SLC5A4: variants seen among roughly 807,000 people sequenced by gnomAD.
SLC5A4 encodes probable glucose sensor protein SLC5A4.
Under a neutral mutation model 70.3 loss-of-function variants are expected in SLC5A4, and 55 were observed. That is an observed-to-expected ratio of 0.78 (90% CI 0.63 to 0.98). SLC5A4 has a LOEUF of 0.98. SLC5A4 is among the 50% of genes least tolerant of loss of function. The pLI is 0.00. For synonymous variants in SLC5A4, 268 were observed against 305.7 expected, an observed-to-expected ratio of 0.88 and a Z score of 1.29; for missense variants, 735 against 839.2, an observed-to-expected ratio of 0.88 and a Z score of 1.53.
At chr22:32,323,733 A>G in the SLC5A4 span, among the ~76,000 whole-genome samples, 2 of 152,196 alleles carry the variant, frequency 1.3e-5, no homozygotes, top group Non-Finnish European at 2.9e-5. Context: ...ACTCCTTTAC[A>G]GGCCATTCCC....
At chr22:32,283,337 A>G in the SLC5A4 span, among the ~76,000 whole-genome samples, 9 of 152,182 alleles carry the variant, frequency 5.9e-5, no homozygotes, top group African/African-American at 1.9e-4. Flanking sequence ...TACCTTCTCC[A>G]TGCAACCCCT....
intron 13 of SLC5A4, among the ~76,000 whole-genome samples, chr22:32,222,951 G>A (rs760052243): frequency 1.3e-5 from 2 of 152,132 alleles, no homozygotes; most frequent in African/African-American, 2.4e-5. Context: ...GATGCCTCTT[G>A]TTGAAAATCT....
At position 32,229,351 on chromosome 22, in the gene SLC5A4, C is replaced by A; in HGVS notation, c.1130-7G>T. On this transcript the variant is annotated splice_region_variant and splice_polypyrimidine_tract_variant and intron_variant, in intron 10 of 14. Coordinates refer to ENST00000266086, the MANE Select transcript of SLC5A4 (RefSeq NM_014227.3). ...AGCATCAGGCCTCGCAGTCCTGGAG[C>A]CGGGAAAGGGTACAAGCACTGGTTA... 6.2e-7 allele frequency: 1 copy of A among 1,613,674 alleles called. No homozygotes were observed.
the SLC5A4 span, among the ~76,000 whole-genome samples, chr22:32,320,138 CATA>C: frequency 6.6e-6 from 1 of 152,154 alleles, no homozygotes; most frequent in Non-Finnish European, 1.5e-5. Context: ...AAATTAAAGC[CATA>C]ATGAGAGAGG....
the SLC5A4 span, among the ~76,000 whole-genome samples, chr22:32,294,144 A>G: frequency 4.6e-5 from 7 of 152,218 alleles, no homozygotes; most frequent in Admixed American, 2.0e-4. Context: ...ATCTCTTCAA[A>G]TAGTATTTCT....
chr22:32,239,029 G>T lies in SLC5A4; in HGVS notation c.539C>A (p.Ala180Glu). ...KLALGLDLYL[A>E]IFILLAMTAV... ...AGTCATAGCCAAGAGGATGAAGATT[G>T]CCAGGTAAAGGTCCAATCCCAAGGC... The change falls in exon 6 of 15, where the codon GCA (alanine) becomes GAA (glutamate). Residue 180 changes from alanine (A) to glutamate (E), a missense_variant. Ala to Glu is a moderately radical substitution (Grantham distance 107, BLOSUM62 -1). Coordinates refer to ENST00000266086, the MANE Select transcript of SLC5A4 (RefSeq NM_014227.3). The T allele has an allele frequency of 6.2e-7, 1 of 1,614,016 alleles. No homozygotes were observed. Among genetic ancestry groups the T allele is most frequent in the Non-Finnish European group, 8.5e-7 (1 of 1,179,912 alleles).
chr22:32,347,480 A>G, the SLC5A4 span, among the ~76,000 whole-genome samples: 2 of 152,100 alleles, frequency 1.3e-5, no homozygotes, highest in South Asian at 4.1e-4. Context: ...GATAGACTGG[A>G]TTAAGAAAAT....
chr22:32,292,205 T>A, the SLC5A4 span, among the ~76,000 whole-genome samples: 1 of 70,862 alleles, frequency 1.4e-5, no homozygotes, highest in African/African-American at 1.0e-4. Context: ...CTAGATATTA[T>A]ATAATATATA....
intron 5 of SLC5A4, among the ~76,000 whole-genome samples, chr22:32,244,556 G>A (rs573136044): frequency 6.6e-6 from 1 of 152,236 alleles, no homozygotes; most frequent in Admixed American, 6.5e-5. Context: ...TAAAGAAATA[G>A]GGACTACTCC....
Position 32,254,185 on chromosome 22 carries a change from A to C in SLC5A4, c.164T>G (p.Ile55Arg), listed in dbSNP as rs781692087. Residue 55 changes from isoleucine (I) to arginine (R), a missense_variant, in exon 2 of 15, where the codon ATA becomes AGA. Ile to Arg is a moderately conservative substitution (Grantham distance 97). Coordinates refer to ENST00000266086, the MANE Select transcript of SLC5A4 (RefSeq NM_014227.3). Reference sequence around the variant, plus strand: ...ACGACCAGCGAGGAAGAAGCCTCCTATAGTACCTCGGTTGGTCTTCAGCAT... The same window carrying C: ...ACGACCAGCGAGGAAGAAGCCTCCTCTAGTACCTCGGTTGGTCTTCAGCAT... ...WAMLKTNRGTIGGFFLAGRDM... is the reference protein window; with the variant it reads ...WAMLKTNRGTRGGFFLAGRDM... The C allele has an allele frequency of 6.2e-7, 1 of 1,613,994 alleles. No homozygotes were observed. The highest frequency in any genetic ancestry group is 8.5e-7 in the Non-Finnish European group (1 of 1,179,866).
the SLC5A4 span, among the ~76,000 whole-genome samples, chr22:32,281,969 G>A: frequency 6.6e-6 from 1 of 152,162 alleles, no homozygotes; most frequent in Non-Finnish European, 1.5e-5. Context: ...TCAGCCTCCC[G>A]AGTAGCTGGA....
At chr22:32,332,460 C>T in the SLC5A4 span, among the ~76,000 whole-genome samples, 1 of 152,350 alleles carries the variant, frequency 6.6e-6, no homozygotes, top group East Asian at 1.9e-4. Context: ...TCATTCCTTT[C>T]CATCCTACAG....
chr22:32,218,642 C>T lies in SLC5A4; in HGVS notation c.1852G>A (p.Glu618Lys). The T allele has an allele frequency of 6.2e-7, 1 of 1,613,938 alleles. No homozygotes were observed. Among genetic ancestry groups the T allele is most frequent in the Non-Finnish European group, 8.5e-7 (1 of 1,179,966 alleles). The change falls in exon 15 of 15, where the codon GAG becomes AAG. Residue 618 changes from glutamate (E) to lysine (K), a missense_variant. Physicochemically the swap from Glu to Lys is moderately conservative, Grantham distance 56 (BLOSUM62 1). Coordinates refer to ENST00000266086, the MANE Select transcript of SLC5A4 (RefSeq NM_014227.3). The stretch of plus-strand genomic sequence containing the variant: ...TTCTTGCTCAAGGCTTCCTCCTCCT[C>T]CTTGGTTAGCTTGGGTCCCTTCTGC... The part of the protein sequence containing the change: ...GLQKGPKLTK[E>K]EEEALSKKLT...
At chr22:32,222,230 G>A (rs2123864108) in intron 13 of SLC5A4, among the ~76,000 whole-genome samples, 1 of 152,242 alleles carries the variant, frequency 6.6e-6, no homozygotes, top group Non-Finnish European at 1.5e-5. Context: ...GTCTTCATAA[G>A]CTCTTATTCA....
At chr22:32,329,326 G>T in the SLC5A4 span, among the ~76,000 whole-genome samples, 1 of 152,210 alleles carries the variant, frequency 6.6e-6, no homozygotes. Context: ...GAGGACATGA[G>T]ACACTGCATG....
intron 6 of SLC5A4, among the ~76,000 whole-genome samples, chr22:32,238,412 G>A (rs1456724312): frequency 6.6e-6 from 1 of 152,126 alleles, no homozygotes; most frequent in Non-Finnish European, 1.5e-5. Context: ...GTTCTAGCTG[G>A]TATTTTTCCT....
chr22:32,251,874 T>C lies in SLC5A4; in HGVS notation c.208A>G (p.Met70Val), dbSNP rs1369653182. ...LAGRDMAWWP[M>V]GASLFASNIG... ...TTACTGGCAAAGAGAGAGGCGCCCA[T>C]CTGGAATGCAAGAGAACAGACTAGG... The change falls in exon 3 of 15, where the codon ATG becomes GTG. Residue 70 changes from methionine (M) to valine (V), a missense_variant and splice_region_variant. Coordinates refer to ENST00000266086, the MANE Select transcript of SLC5A4 (RefSeq NM_014227.3). 1.2e-6 allele frequency: 2 copies of C among 1,609,448 alleles called. No homozygotes were observed. The highest frequency in any genetic ancestry group is 2.2e-5 in the East Asian group (1 of 44,848).
At chr22:32,244,031 A>G (rs1272626529) in intron 5 of SLC5A4, among the ~76,000 whole-genome samples, 1 of 152,194 alleles carries the variant, frequency 6.6e-6, no homozygotes, top group Non-Finnish European at 1.5e-5. Context: ...GTGTAGCAGG[A>G]GACGGTTGTA....
chr22:32,302,493 G>GT, the SLC5A4 span, among the ~76,000 whole-genome samples: 1 of 151,936 alleles, frequency 6.6e-6, no homozygotes, highest in Non-Finnish European at 1.5e-5. Flanking sequence ...TACTTAGTAT[G>GT]TAAGACTTAG....
Sources: gnomAD v4.1 joint callset for allele counts (sites outside exome capture counted in the v4.1 genomes callset) on GRCh38, gnomAD v4.1.1 for gene constraint, MANE v1.5 for transcripts, NCBI Gene and HGNC (gene_info 2026-07-23, HGNC 2026-07-21) for gene names.